DOP1A: variants seen among roughly 807,000 people sequenced by gnomAD.
DOP1A encodes the protein protein DOP1A.
DOP1A carries 90 observed loss-of-function variants against 267.6 expected under a neutral mutation model. The observed-to-expected ratio is 0.34, with a 90% confidence interval of 0.28 to 0.40. DOP1A has a LOEUF of 0.40. Ranked by LOEUF, DOP1A falls within the 10% of genes least tolerant of loss-of-function variation. The probability of loss-of-function intolerance (pLI) is 1.00; values close to 1 mark genes in which losing one functional copy is unlikely to be tolerated. For missense variants in DOP1A, 2,437 were observed against 2,900.4 expected (o/e 0.84, Z 3.67); for synonymous variants, 932 against 999.1 (o/e 0.93, Z 1.27).
chr6:83,131,491 CTA>C (rs777477019), intron 17 of DOP1A, among the ~76,000 whole-genome samples: 9 of 152,198 alleles, frequency 5.9e-5, no homozygotes, highest in Non-Finnish European at 1.3e-4. Context: ...GATATTTCAA[CTA>C]TGAATTATTT....
intron 24 of DOP1A, among the ~76,000 whole-genome samples, chr6:83,145,275 G>A (rs1174919021): frequency 1.5e-5 from 1 of 66,418 alleles, no homozygotes; most frequent in African/African-American, 5.6e-5. Context: ...GACTTGAAGA[G>A]GTCTTTATAT....
At chr6:83,123,488 G>A (rs898095492) in intron 12 of DOP1A, among the ~76,000 whole-genome samples, 1 of 152,012 alleles carries the variant, frequency 6.6e-6, no homozygotes, top group Admixed American at 6.6e-5. Context: ...TGGAATCTCT[G>A]TCTGGCTTCT....
At chr6:83,116,803 T>C (rs1344153801) in intron 7 of DOP1A, among the ~76,000 whole-genome samples, 1 of 152,096 alleles carries the variant, frequency 6.6e-6, no homozygotes, top group Non-Finnish European at 1.5e-5. Flanking sequence ...AGAGTGAGAC[T>C]CCAACTTAAA....
rs45498694 is a variant in DOP1A at position 83,101,173 on chromosome 6, G to A, written c.320+287G>A. ...TGGGACTACAGGCGCCCGCCACCAC[G>A]CCCGACTAATTTTTTTGTATTTTTA... is the stretch of plus-strand genomic sequence containing the variant. On this transcript the variant is annotated intron_variant, in intron 4 of 38. Transcript: ENST00000349129. Among the ~76,000 whole-genome samples, 928 of 152,006 alleles carry A rather than the reference G, an allele frequency of 6.1e-3. 10 individuals are homozygous for A. The highest frequency in any genetic ancestry group is 0.021 in the African/African-American group (874 of 41,474).
chr6:83,103,797 A>G (rs146451421), intron 4 of DOP1A, among the ~76,000 whole-genome samples: 11 of 152,330 alleles, frequency 7.2e-5, no homozygotes, highest in African/African-American at 1.4e-4. Flanking sequence ...TAAATGTTCA[A>G]TGTGATGAGT....
At chr6:83,089,226 G>A (rs1216205640) in intron 1 of DOP1A, among the ~76,000 whole-genome samples, 1 of 152,146 alleles carries the variant, frequency 6.6e-6, no homozygotes, top group African/African-American at 2.4e-5. Flanking sequence ...CTGAAGTGAG[G>A]TCTACTCACT....
At chr6:83,075,091 C>T (rs969714951) in intron 1 of DOP1A, among the ~76,000 whole-genome samples, 4 of 151,988 alleles carry the variant, frequency 2.6e-5, no homozygotes, top group Non-Finnish European at 5.9e-5. Context: ...ATATATTTTC[C>T]CTCTTTTAAT....
chr6:83,115,836 A>T (rs191639921), intron 7 of DOP1A, among the ~76,000 whole-genome samples: 2,397 of 152,294 alleles, frequency 0.016, 77 homozygotes, highest in African/African-American at 0.054. Context: ...CCTTTGACTA[A>T]CATCTTCTAC....
chr6:83,152,557 A>G (rs1209512996), intron 30 of DOP1A, among the ~76,000 whole-genome samples, 190 bp downstream of exon 30: 2 of 151,560 alleles, frequency 1.3e-5, no homozygotes, highest in Admixed American at 6.6e-5. Context: ...AACATTAGTG[A>G]TAAATTTAGA....
rs1366807367 is a variant in DOP1A at position 83,137,855 on chromosome 6, C to T, written c.3813C>T (p.Ser1271=). ...RQRSHSSIQF[S]FKEKLSEKVS... ...GGAGTCACAGTAGTATTCAATTCAGCTTCAAAGAAAAATTATCAGAAAAAG... is the reference window on the plus strand; with the variant it reads ...GGAGTCACAGTAGTATTCAATTCAGTTTCAAAGAAAAATTATCAGAAAAAG... Residue 1271 remains serine, a synonymous_variant, in exon 21 of 39, where the codon AGC becomes AGT. Coordinates refer to ENST00000349129, the MANE Select transcript of DOP1A (RefSeq NM_015018.4). The T allele has an allele frequency of 3.7e-6, 6 of 1,613,394 alleles. No homozygotes were observed. Among genetic ancestry groups the T allele is most frequent in the Non-Finnish European group, 5.1e-6 (6 of 1,179,800 alleles).
In DOP1A at chr6:83,161,483, G is replaced by A. The variant is rs181929842; in HGVS notation, c.6963-1307G>A. Among the ~76,000 whole-genome samples, 6 of 152,178 alleles carry A rather than the reference G, an allele frequency of 3.9e-5. No homozygotes were observed. In the East Asian group the frequency reaches 1.2e-3, roughly 29 times the overall value. On this transcript the variant is annotated intron_variant, in intron 37 of 38. Transcript: ENST00000349129. ...AAGTTCGAAAGATAGCAATGAATTG[G>A]TAAAAGATATTTTCGATGTATATGA...
At chr6:83,139,369 T>TA (rs1779276229) in intron 21 of DOP1A, among the ~76,000 whole-genome samples, 1 of 152,118 alleles carries the variant, frequency 6.6e-6, no homozygotes, top group African/African-American at 2.4e-5. Flanking sequence ...AAGGAATATT[T>TA]AAACAGGCTT....
At chr6:83,088,091 C>T (rs550613759) in intron 1 of DOP1A, among the ~76,000 whole-genome samples, 15 of 152,070 alleles carry the variant, frequency 9.9e-5, no homozygotes, top group Non-Finnish European at 2.2e-4. Flanking sequence ...CCAGGATGGT[C>T]TCGATATCCT....
At chr6:83,167,205 G>A (rs1291109820) in intron 38 of DOP1A, 1 of 901,662 alleles carries the variant, frequency 1.1e-6, no homozygotes, top group Admixed American at 6.2e-5. Context: ...CCTGCCCAAG[G>A]GTGCCGTAAG....
At chr6:83,077,771 G>C in intron 1 of DOP1A, among the ~76,000 whole-genome samples, 1 of 152,132 alleles carries the variant, frequency 6.6e-6, no homozygotes, top group South Asian at 2.1e-4. Flanking sequence ...TCTAAATCAG[G>C]GGTGTCCAAA....
At chr6:83,125,094 T>C (rs1428742590) in intron 13 of DOP1A, 72 bp from the exon 14 acceptor site, 1 of 1,349,032 alleles carries the variant, frequency 7.4e-7, no homozygotes, top group African/African-American at 1.5e-5. Flanking sequence ...ATTATTTCTA[T>C]TAAATGAAGA....
Position 83,130,244 on chromosome 6 carries a change from ACAGTCTG to A in DOP1A, c.2464_2470del (p.Gln822TrpfsTer12), listed in dbSNP as rs779018251. On this transcript the variant is annotated frameshift_variant, in exon 17 of 39. Coordinates refer to ENST00000349129, the MANE Select transcript of DOP1A (RefSeq NM_015018.4). LOFTEE classifies it high-confidence loss of function. ...TAGTTATGGACCTGGTGGGACTGAC[ACAGTCTG>A]TGGCCATGGTCACTGGGGAAAACAT... 6.8e-6 allele frequency: 11 copies of A among 1,614,060 alleles called. No individual in the cohort carries two copies. In the South Asian group the frequency reaches 1.1e-4, roughly 16 times the overall value.
chr6:83,132,108 T>G, intron 17 of DOP1A, 68 bp from the exon 18 acceptor site: 25 of 1,548,136 alleles, frequency 1.6e-5, no homozygotes, highest in Non-Finnish European at 8.8e-7. Context: ...CATTTGTACC[T>G]AATAGGAAAT....
At chr6:83,141,230 C>G (rs1173008984) in intron 23 of DOP1A, among the ~76,000 whole-genome samples, 1 of 151,954 alleles carries the variant, frequency 6.6e-6, no homozygotes, top group Non-Finnish European at 1.5e-5. Flanking sequence ...TGAACAAATA[C>G]CATATTTTCA....
Sources: gnomAD v4.1 joint callset for allele counts (sites outside exome capture counted in the v4.1 genomes callset) on GRCh38, gnomAD v4.1.1 for gene constraint, MANE v1.5 for transcripts, NCBI Gene and HGNC (gene_info 2026-07-23, HGNC 2026-07-21) for gene names.